Variants in NOSIP observed in about 807,000 individuals in gnomAD.
NOSIP encodes nitric oxide synthase interacting protein.
A neutral mutation model predicts 36.4 loss-of-function variants in NOSIP; 25 were observed. The ratio of observed to expected loss-of-function variants is 0.69; its 90% CI spans 0.50 to 0.96. The LOEUF (loss-of-function observed/expected upper bound fraction) is 0.96. Ranked by LOEUF, NOSIP falls within the 40% of genes least tolerant of loss-of-function variation. NOSIP has a pLI of 0.00. For missense variants in NOSIP, 370 were observed against 429.0 expected (o/e 0.86, Z 1.21); for synonymous variants, 187 against 179.2 (o/e 1.04, Z -0.35).
intron 8 of NOSIP, 147 bp downstream of exon 8, chr19:49,556,170 C>CGGGG (rs1167222563): frequency 5.3e-5 from 12 of 227,196 alleles, no homozygotes; most frequent in Admixed American, 2.4e-4. Context: ...CAGGAGAAAG[C>CGGGG]GGGGGGGGGG....
At chr19:49,568,747 C>G (rs2080442673) in intron 1 of NOSIP, among the ~76,000 whole-genome samples, 2 of 149,542 alleles carry the variant, frequency 1.3e-5, no homozygotes, top group Admixed American at 6.7e-5. Flanking sequence ...GAGTTCAAGA[C>G]CAGCCTGGGC....
intron 1 of NOSIP, chr19:49,579,420 T>C (rs1446201597): frequency 6.6e-6 from 1 of 152,220 alleles, no homozygotes; most frequent in Non-Finnish European, 1.5e-5. Context: ...AGTTGATATC[T>C]GATCTTCTGA....
At chr19:49,563,508 T>C (rs2080362799) in intron 1 of NOSIP, among the ~76,000 whole-genome samples, 1 of 151,720 alleles carries the variant, frequency 6.6e-6, no homozygotes, top group South Asian at 2.1e-4. Context: ...TTTTTTTTTT[T>C]TTGAGATCGA....
At chr19:49,561,564 A>C (rs978691901) in intron 1 of NOSIP, among the ~76,000 whole-genome samples, 5 of 152,268 alleles carry the variant, frequency 3.3e-5, no homozygotes, top group Admixed American at 2.0e-4. Flanking sequence ...GACACAATTC[A>C]CATACCATAA....
At chr19:49,578,900 G>C (rs1483785746) in intron 1 of NOSIP, among the ~76,000 whole-genome samples, 2 of 151,694 alleles carry the variant, frequency 1.3e-5, no homozygotes, top group African/African-American at 4.8e-5. Context: ...TGGGATTACA[G>C]GCATGAGCCA....
At chr19:49,569,973 G>A (rs1479199819) in intron 1 of NOSIP, among the ~76,000 whole-genome samples, 1 of 151,896 alleles carries the variant, frequency 6.6e-6, no homozygotes, top group African/African-American at 2.4e-5. Flanking sequence ...TGAGCCAGTC[G>A]TGGTGGCCAC....
At chr19:49,570,058 G>A (rs1214143851) in intron 1 of NOSIP, among the ~76,000 whole-genome samples, 3 of 151,660 alleles carry the variant, frequency 2.0e-5, no homozygotes, top group African/African-American at 7.3e-5. Flanking sequence ...GCAGTGAGCC[G>A]AGACTGTGCC....
chr19:49,569,637 G>A (rs1378629912), intron 1 of NOSIP, among the ~76,000 whole-genome samples: 3 of 151,460 alleles, frequency 2.0e-5, no homozygotes, highest in South Asian at 2.1e-4. Context: ...GTGAAACCAC[G>A]TCTCTACTAA....
intron 1 of NOSIP, among the ~76,000 whole-genome samples, chr19:49,564,864 T>C (rs1021827782): frequency 6.6e-6 from 1 of 152,024 alleles, no homozygotes; most frequent in Non-Finnish European, 1.5e-5. Flanking sequence ...GTCATACCCA[T>C]AGTATAGCTG....
Position 49,559,991 on chromosome 19 carries a change from A to ACGGCATCC in NOSIP, c.111_118dup (p.Val40GlyfsTer4). 6.2e-7 allele frequency: 1 copy of ACGGCATCC among 1,613,988 alleles called. No homozygotes were observed. Among genetic ancestry groups the ACGGCATCC allele is most frequent in the East Asian group, 2.2e-5 (1 of 44,878 alleles). ...GAGACAACAGCAGTCGAAGTCCTTCACGGCATCCCGGCTCAGTCGAATGTT... is the reference window on the plus strand; with the variant it reads ...GAGACAACAGCAGTCGAAGTCCTTCACGGCATCCCGGCATCCCGGCTCAGTCGAATGTT... On this transcript the variant is annotated frameshift_variant, in exon 3 of 9. Coordinates refer to ENST00000596358, the MANE Select transcript of NOSIP (RefSeq NM_001270960.2). LOFTEE classifies it high-confidence loss of function.
intron 1 of NOSIP, among the ~76,000 whole-genome samples, chr19:49,568,108 C>T (rs2080434643): frequency 6.6e-6 from 1 of 152,094 alleles, no homozygotes; most frequent in Admixed American, 6.6e-5. Context: ...TGTCACAATC[C>T]TCGTAAACTT....
rs746815258 is a variant in NOSIP, at chr19:49,560,789, T to C, written c.-1-97A>G. 55 of 942,922 alleles carry C rather than the reference T, an allele frequency of 5.8e-5. No individual in the cohort carries two copies. Among genetic ancestry groups the C allele is most frequent in the Non-Finnish European group, 8.3e-5 (50 of 602,778 alleles). 58.4% of individuals were successfully genotyped at this position (942,922 alleles called of 1,614,324 possible). A position where few individuals can be genotyped will look rare whatever the true frequency, so the allele number is the denominator to read the frequency against. ...CTCAGAGCTGATCTGCCCCCCTTGA[T>C]GGGAAAGCGGAGGCGGAGAAGGGGG... On this transcript the variant is annotated intron_variant, in intron 1 of 8. Transcript: ENST00000596358. This position sits in a 1 kb window ranked among gnomAD's most constrained non-coding sequence, Gnocchi z 4.6.
intron 4 of NOSIP, 104 bp downstream of exon 4, chr19:49,558,793 C>T: frequency 1.1e-6 from 1 of 932,682 alleles, no homozygotes; most frequent in South Asian, 1.3e-5. Flanking sequence ...AATGGTGTAC[C>T]AGGCAGAGGG....
intron 1 of NOSIP, among the ~76,000 whole-genome samples, chr19:49,576,000 T>A: frequency 6.6e-6 from 1 of 152,002 alleles, no homozygotes; most frequent in African/African-American, 2.4e-5. Flanking sequence ...CCGGGCGTGG[T>A]GGCGGGCGCC....
Position 49,557,055 on chromosome 19 carries a change from G to T in NOSIP, c.418+35C>A, listed in dbSNP as rs774706194. ...GGGCCCGCCCAGCCCGCGGCGCCCC[G>T]CCCCCCAACCCACAAGAAGCCCAAC... On this transcript the variant is annotated intron_variant, in intron 5 of 8. Coordinates refer to ENST00000596358, the MANE Select transcript of NOSIP (RefSeq NM_001270960.2). The T allele has an allele frequency of 2.7e-5, 43 of 1,591,364 alleles. No individual in the cohort carries two copies. The East Asian group carries it at 9.3e-4, about 34-fold the overall frequency.
intron 1 of NOSIP, among the ~76,000 whole-genome samples, chr19:49,562,819 G>A (rs1291258063): frequency 5.3e-5 from 8 of 152,178 alleles, no homozygotes; most frequent in Non-Finnish European, 8.8e-5. Flanking sequence ...GGTGCAGGTT[G>A]CAGGGAGTGG....
Position 49,558,972 on chromosome 19 carries a change from A to C in NOSIP, c.183T>G (p.Asp61Glu). The C allele has an allele frequency of 6.2e-7, 1 of 1,613,510 alleles. No homozygotes were observed. The highest frequency in any genetic ancestry group is 8.5e-7 in the Non-Finnish European group (1 of 1,179,696). Residue 61 changes from aspartate (D) to glutamate (E), a missense_variant, in exon 4 of 9, where the codon GAT becomes GAG. Around this residue, in one of 3 missense-constraint regions of NOSIP, gnomAD observed 315 missense variants for 331.9 expected, o/e 0.95. Coordinates refer to ENST00000596358, the MANE Select transcript of NOSIP (RefSeq NM_001270960.2). ...QPCHDPVVTPDGYLYEREAIL... is the reference protein window; with the variant it reads ...QPCHDPVVTPEGYLYEREAIL... ...TGGCCTCACGCTCATACAGGTAGCC[A>C]TCTGGGCTGCAAAGACAGGGTGCAA...
Position 49,560,620 on chromosome 19 carries a change from AC to A in NOSIP, c.70+1del, listed in dbSNP as rs1255014354. The A allele has an allele frequency of 6.3e-7, 1 of 1,583,816 alleles. No individual in the cohort carries two copies. Among genetic ancestry groups the A allele is most frequent in the Non-Finnish European group, 8.6e-7 (1 of 1,163,738 alleles). ...CCGCCTCTTCCCACCCCAGCCCTGC[AC>A]CTGTGTCCTTCTTCTTCTCGTGGTA... is the stretch of plus-strand genomic sequence containing the variant. On this transcript the variant is annotated splice_donor_variant, in intron 2 of 8. Coordinates refer to ENST00000596358, the MANE Select transcript of NOSIP (RefSeq NM_001270960.2). LOFTEE classifies it high-confidence loss of function. This position sits in a 1 kb window ranked among gnomAD's most constrained non-coding sequence, Gnocchi z 4.6.
chr19:49,558,868 G>A lies in NOSIP; in HGVS notation c.258+29C>T, dbSNP rs147601481. On this transcript the variant is annotated intron_variant, in intron 4 of 8. Coordinates refer to ENST00000596358, the MANE Select transcript of NOSIP (RefSeq NM_001270960.2). ...CTCAGACTCAAAAGCTCCTGCCTCC[G>A]TGTGCCGCCTCCTCCCCATCCCCAT... 3.5e-4 allele frequency: 559 copies of A among 1,584,032 alleles called. 5 individuals are homozygous for A. The African/African-American group carries it at 5.8e-3, about 17-fold the overall frequency.
Sources: allele counts gnomAD v4.1 joint callset (sites outside exome capture counted in the v4.1 genomes callset), GRCh38; gene constraint gnomAD v4.1.1; regional missense constraint gnomAD v4.1.1; non-coding constraint Gnocchi (gnomAD v3.1); transcripts MANE v1.5; gene names NCBI Gene and HGNC (gene_info 2026-07-23, HGNC 2026-07-21).